Variants in CSMD1 observed in about 807,000 individuals in gnomAD.
CSMD1 encodes the protein CUB and sushi domain-containing protein 1.
CSMD1 carries 213 observed loss-of-function variants against 417.5 expected under a neutral mutation model. The ratio of observed to expected loss-of-function variants is 0.51; its 90% CI spans 0.46 to 0.57. The LOEUF (loss-of-function observed/expected upper bound fraction) is 0.57, where lower values mean the gene tolerates loss of function less well. Among genes scored for constraint, CSMD1 ranks in the 20% least tolerant of loss-of-function variants. The pLI is 0.00. For missense variants in CSMD1, 6,923 were observed against 4,529.7 expected (o/e 1.53, Z -15.17); for synonymous variants, 2,862 against 1,736.8 (o/e 1.65, Z -16.11).
intron 32 of CSMD1, among the ~76,000 whole-genome samples, chr8:3,201,094 G>C (rs925444711): frequency 2.0e-5 from 3 of 152,144 alleles, no homozygotes; most frequent in African/African-American, 4.8e-5. Context: ...GTAAGAATGG[G>C]ATAAAAATAA....
chr8:4,105,506 G>C (rs1175959299), intron 3 of CSMD1, among the ~76,000 whole-genome samples: 1 of 152,114 alleles, frequency 6.6e-6, no homozygotes, highest in Non-Finnish European at 1.5e-5. Context: ...GATGGTTCTA[G>C]GCTTCATTAA....
chr8:3,824,542 A>G (rs1338864253), intron 5 of CSMD1, among the ~76,000 whole-genome samples: 1 of 152,356 alleles, frequency 6.6e-6, no homozygotes, highest in East Asian at 1.9e-4. Flanking sequence ...GTCTGAATTA[A>G]CATGCACTGC....
At chr8:3,507,352 G>C (rs1321406124) in intron 10 of CSMD1, among the ~76,000 whole-genome samples, 1 of 152,120 alleles carries the variant, frequency 6.6e-6, no homozygotes, top group South Asian at 2.1e-4. Flanking sequence ...TTTTATGGCA[G>C]CACAGTATTA....
chr8:4,664,102 G>C (rs1585414246), intron 1 of CSMD1, among the ~76,000 whole-genome samples: 1 of 152,182 alleles, frequency 6.6e-6, no homozygotes, highest in African/African-American at 2.4e-5. Flanking sequence ...AGCCTCATCA[G>C]AGTCTGTTAA....
chr8:4,013,880 G>A (rs1796396441), intron 4 of CSMD1, among the ~76,000 whole-genome samples: 3 of 152,110 alleles, frequency 2.0e-5, no homozygotes, highest in African/African-American at 4.8e-5. Flanking sequence ...GAGATCATAT[G>A]ACATGAAAAC....
intron 1 of CSMD1, among the ~76,000 whole-genome samples, chr8:4,799,711 T>C (rs1798175363): frequency 1.3e-5 from 2 of 150,788 alleles, no homozygotes; most frequent in South Asian, 4.2e-4. Flanking sequence ...ACAATATTTA[T>C]TAAAAACAAA....
At chr8:4,220,768 G>C (rs1242209424) in intron 3 of CSMD1, among the ~76,000 whole-genome samples, 1 of 152,170 alleles carries the variant, frequency 6.6e-6, no homozygotes, top group Admixed American at 6.5e-5. Context: ...GGAGAATATG[G>C]GGCCACCCAA....
intron 5 of CSMD1, among the ~76,000 whole-genome samples, chr8:3,849,639 C>G (rs916329314): frequency 6.6e-6 from 1 of 152,090 alleles, no homozygotes; most frequent in African/African-American, 2.4e-5. Context: ...ACCTGGGGAA[C>G]AAGGTCGAAG....
At chr8:4,372,166 C>A (rs1275100814) in intron 3 of CSMD1, among the ~76,000 whole-genome samples, 1 of 152,082 alleles carries the variant, frequency 6.6e-6, no homozygotes, top group Non-Finnish European at 1.5e-5. Flanking sequence ...TTCTACTTGT[C>A]CAAAAAGAGA....
intron 10 of CSMD1, among the ~76,000 whole-genome samples, chr8:3,557,188 G>C (rs1585360784): frequency 6.6e-6 from 1 of 152,126 alleles, no homozygotes; most frequent in South Asian, 2.1e-4. Context: ...TGAAAATAAT[G>C]TTTTGTTTCT....
intron 57 of CSMD1, among the ~76,000 whole-genome samples, chr8:2,967,175 T>C (rs187379443): frequency 1.3e-5 from 2 of 152,346 alleles, no homozygotes; most frequent in East Asian, 3.9e-4. Context: ...GTAATCACTG[T>C]ATTTTTTTAA....
chr8:4,542,834 A>G (rs1248302544), intron 2 of CSMD1, among the ~76,000 whole-genome samples: 1 of 152,204 alleles, frequency 6.6e-6, no homozygotes, highest in Non-Finnish European at 1.5e-5. Flanking sequence ...AAATATTTGT[A>G]AATAAAGAAA....
At chr8:4,400,304 G>A (rs75151007) in intron 3 of CSMD1, among the ~76,000 whole-genome samples, 28 of 152,306 alleles carry the variant, frequency 1.8e-4, no homozygotes, top group African/African-American at 5.5e-4. Context: ...ATGGGATTTC[G>A]CAGTTCCTGG....
At chr8:3,469,555 T>A (rs914131803) in intron 11 of CSMD1, among the ~76,000 whole-genome samples, 2 of 152,138 alleles carry the variant, frequency 1.3e-5, no homozygotes, top group Non-Finnish European at 2.9e-5. Context: ...ATCCATTGAT[T>A]GAACTCAACA....
chr8:3,839,224 AATAT>A (rs1224518146), intron 5 of CSMD1, among the ~76,000 whole-genome samples: 1 of 125,626 alleles, frequency 8.0e-6, no homozygotes, highest in Non-Finnish European at 1.6e-5. Context: ...TATATAGTAT[AATAT>A]ATAATTATAT....
chr8:4,627,069 A>ATATT (rs1465938860), intron 2 of CSMD1, among the ~76,000 whole-genome samples: 2 of 152,194 alleles, frequency 1.3e-5, no homozygotes, highest in Non-Finnish European at 2.9e-5. Context: ...AATAACTCAC[A>ATATT]TATTTTGTAT....
intron 1 of CSMD1, among the ~76,000 whole-genome samples, chr8:4,800,611 T>C (rs540146464): frequency 9.2e-5 from 14 of 152,154 alleles, no homozygotes; most frequent in African/African-American, 3.4e-4. Flanking sequence ...AGCAAAGGGG[T>C]AGAGTCACAG....
chr8:3,034,907 G>C (rs1471108586), intron 50 of CSMD1, among the ~76,000 whole-genome samples: 1 of 152,180 alleles, frequency 6.6e-6, no homozygotes, highest in Non-Finnish European at 1.5e-5. Context: ...AGAAGGCAAA[G>C]CGTGAGCCAG....
Position 3,404,262 on chromosome 8 carries a change from G to A in CSMD1, c.2266+1765C>T, listed in dbSNP as rs531478176. On this transcript the variant is annotated intron_variant, in intron 15 of 69. Transcript: ENST00000635120. ...AGGCAGAAGAACTGCTTGAATCTGG[G>A]AGGCGGAGGTTGCAGTGAGCTGAGA... Among the ~76,000 whole-genome samples, 13 of 151,688 alleles carry A rather than the reference G, an allele frequency of 8.6e-5. 1 individual carries two copies. The highest frequency in any genetic ancestry group is 6.2e-4 in the South Asian group (3 of 4,812).
Sources: gnomAD v4.1 joint callset for allele counts (sites outside exome capture counted in the v4.1 genomes callset) on GRCh38, gnomAD v4.1.1 for gene constraint, MANE v1.5 for transcripts, NCBI Gene and HGNC (gene_info 2026-07-23, HGNC 2026-07-21) for gene names.